The following LAPTM4A variants were observed in gnomAD, a reference collection of about 807,000 sequenced individuals.
LAPTM4A encodes lysosomal-associated transmembrane protein 4A.
LAPTM4A carries 19 observed loss-of-function variants against 29.9 expected under a neutral mutation model. The observed-to-expected ratio is 0.64, with a 90% CI of 0.44 to 0.93. The LOEUF is 0.93. Ranked by LOEUF, LAPTM4A falls within the 40% of genes least tolerant of loss-of-function variation. The probability of loss-of-function intolerance (pLI) is 0.00; values close to 1 mark genes in which losing one functional copy is unlikely to be tolerated. For synonymous variants in LAPTM4A, 105 were observed against 102.1 expected (o/e 1.03, Z -0.17); for missense variants, 293 against 288.5 (o/e 1.02, Z -0.11).
chr2:20,035,223 C>T (rs138813836), intron 4 of LAPTM4A, 161 bp from the exon 5 acceptor site: 75 of 611,478 alleles, frequency 1.2e-4, no homozygotes, highest in Non-Finnish European at 2.2e-4. Context: ...AAATTTTAAG[C>T]CTTATCACCA....
intron 1 of LAPTM4A, among the ~76,000 whole-genome samples, chr2:20,046,979 G>C (rs1430609642): frequency 6.6e-6 from 1 of 151,196 alleles, no homozygotes; most frequent in Non-Finnish European, 1.5e-5. Context: ...AGAAAAATAA[G>C]AGAAAAGGAC....
At position 20,032,653 on chromosome 2, in the gene LAPTM4A, G is replaced by A. The variant is rs1673587018; in HGVS notation, c.*552C>T. On this transcript the variant is annotated 3_prime_UTR_variant, in exon 7 of 7. Transcript: ENST00000175091. The stretch of plus-strand genomic sequence containing the variant: ...GGATTAAAAACAATGACAACCCTAA[G>A]TATTTAAAGAGATTTATTAAATCAT... 6.6e-6 allele frequency: 1 copy of A among 152,516 alleles called. No homozygotes were observed. The highest frequency in any genetic ancestry group is 6.5e-5 in the Admixed American group (1 of 15,348). The allele number at this position is 152,516 out of a possible 1,614,324, so 9.4% of individuals were successfully genotyped here. A position where few individuals can be genotyped will look rare whatever the true frequency, so the allele number is the denominator to read the frequency against.
chr2:20,033,258 T>C lies in LAPTM4A; in HGVS notation c.649A>G (p.Met217Val), dbSNP rs1346989108. Residue 217 changes from methionine to valine, a missense_variant, in exon 7 of 7, where the codon ATG (methionine) becomes GTG (valine). Coordinates refer to ENST00000175091, the MANE Select transcript of LAPTM4A (RefSeq NM_014713.5). ...TCTTTTTCAGGCATTTTCACGGCCA[T>C]TTCATAGGTTGGCAAAACGTACTAA... ...PPQYVLPTYE[M>V]AVKMPEKEPP... 6.2e-7 allele frequency: 1 copy of C among 1,614,034 alleles called. No individual in the cohort carries two copies. Among genetic ancestry groups the C allele is most frequent in the East Asian group, 2.2e-5 (1 of 44,868 alleles).
chr2:20,036,911 C>T (rs1281076662), intron 4 of LAPTM4A, among the ~76,000 whole-genome samples: 1 of 152,212 alleles, frequency 6.6e-6, no homozygotes, highest in Admixed American at 6.5e-5. Context: ...TATATCCACA[C>T]CATTCACCAA....
intron 4 of LAPTM4A, among the ~76,000 whole-genome samples, chr2:20,036,719 C>T (rs574553177): frequency 4.6e-5 from 7 of 152,252 alleles, no homozygotes; most frequent in South Asian, 2.1e-4. Flanking sequence ...ACCTCCACGA[C>T]GCCCTCCTTG....
Position 20,033,043 on chromosome 2 carries a change from T to C in LAPTM4A, c.*162A>G, listed in dbSNP as rs1477882576. 1.6e-6 allele frequency: 1 copy of C among 627,652 alleles called. No homozygotes were observed. Among genetic ancestry groups the C allele is most frequent in the East Asian group, 2.7e-5 (1 of 36,616 alleles). The allele number at this position is 627,652 out of a possible 1,614,324, so 38.9% of individuals were successfully genotyped here. On this transcript the variant is annotated 3_prime_UTR_variant, in exon 7 of 7. Coordinates refer to ENST00000175091, the MANE Select transcript of LAPTM4A (RefSeq NM_014713.5). ...ACTTAACAAAAAAACAAAAAGACGT[T>C]TAACAGATGTCAAAAAGCTCCTTAG...
At chr2:20,035,114 G>C (rs1264232241) in intron 4 of LAPTM4A, 52 bp from the exon 5 acceptor site, 17 of 1,209,392 alleles carry the variant, frequency 1.4e-5, no homozygotes, top group Non-Finnish European at 2.1e-5. Context: ...ACTAGCACTT[G>C]CTGATAACCT....
Position 20,033,233 on chromosome 2 carries a change from T to A in LAPTM4A, c.674A>T (p.Glu225Val). Reference sequence around the variant, plus strand: ...GGCAGGTAAGTAAGGAGGTGGTGGTTCTTTTTCAGGCATTTTCACGGCCAT... The same window carrying A: ...GGCAGGTAAGTAAGGAGGTGGTGGTACTTTTTCAGGCATTTTCACGGCCAT... ...YEMAVKMPEK[E>V]PPPPYLPA Residue 225 changes from glutamate (E) to valine (V), a missense_variant, in exon 7 of 7, where the codon GAA becomes GTA. Transcript: ENST00000175091. 1 of 1,614,150 alleles carries A rather than the reference T, an allele frequency of 6.2e-7. No individual in the cohort carries two copies. Among genetic ancestry groups the A allele is most frequent in the Non-Finnish European group, 8.5e-7 (1 of 1,180,016 alleles).
At position 20,040,913 on chromosome 2, in the gene LAPTM4A, G is replaced by C; in HGVS notation, c.210C>G (p.Tyr70Ter). The C allele has an allele frequency of 1.9e-6, 3 of 1,613,802 alleles. No individual in the cohort carries two copies. Among genetic ancestry groups the C allele is most frequent in the Non-Finnish European group, 2.5e-6 (3 of 1,179,726 alleles). ...TACCAGCCATTCTCTCAGACGAATA[G>C]TAATTACCGATGACTTCATACTGAA... ...VNIQYEVIGNYYSSERMADNA... is the reference protein window; with the variant it reads ...VNIQYEVIGN The change falls in exon 2 of 7, where the codon TAC becomes TAG. Residue 70 changes from tyrosine (Y) to a stop codon, truncating the protein, a stop_gained. Transcript: ENST00000175091. LOFTEE classifies it high-confidence loss of function.
intron 2 of LAPTM4A, among the ~76,000 whole-genome samples, chr2:20,039,705 C>T (rs1673752337): frequency 1.3e-5 from 2 of 151,702 alleles, no homozygotes; most frequent in South Asian, 4.2e-4. Context: ...CAAAGTAAGA[C>T]CTTTTCTCTA....
At chr2:20,038,689 C>CT (rs1361829212) in intron 2 of LAPTM4A, among the ~76,000 whole-genome samples, 3 of 152,112 alleles carry the variant, frequency 2.0e-5, no homozygotes, top group Admixed American at 2.0e-4. Context: ...GATTAAGAAA[C>CT]TGGGGGGGAT....
At chr2:20,045,584 T>TTACAGTTAACAGTTA (rs1673900629) in intron 1 of LAPTM4A, among the ~76,000 whole-genome samples, 1 of 152,362 alleles carries the variant, frequency 6.6e-6, no homozygotes, top group East Asian at 1.9e-4. Flanking sequence ...GTGTTAACAG[T>TTACAGTTAACAGTTA]ACTGTAAATT....
chr2:20,050,460 C>G (rs1674028946), intron 1 of LAPTM4A, among the ~76,000 whole-genome samples: 1 of 152,174 alleles, frequency 6.6e-6, no homozygotes, highest in Non-Finnish European at 1.5e-5. Flanking sequence ...ATTAAAGTGG[C>G]CAAGTCGACC....
chr2:20,051,477 T>G lies in LAPTM4A; in HGVS notation c.44A>C (p.Tyr15Ser). 1 of 1,613,210 alleles carries G rather than the reference T, an allele frequency of 6.2e-7. No individual in the cohort carries two copies. The highest frequency in any genetic ancestry group is 1.1e-5 in the South Asian group (1 of 90,846). ...GCAACAGCCGCAGCACCGGGTGCTG[T>G]AGAACCGGTCACTGCGGTTCCGCTT... is the stretch of plus-strand genomic sequence containing the variant. ...SFKRNRSDRF[Y>S]STRCCGCCHV... is the part of the protein sequence containing the mutation. Residue 15 changes from tyrosine to serine, a missense_variant, in exon 1 of 7, where the codon TAC (tyrosine) becomes TCC (serine). By Grantham distance (144) the Tyr-to-Ser change is moderately radical. Coordinates refer to ENST00000175091, the MANE Select transcript of LAPTM4A (RefSeq NM_014713.5).
chr2:20,038,522 TTCATGTGATTC>T (rs1457523715), intron 2 of LAPTM4A, among the ~76,000 whole-genome samples: 1 of 152,040 alleles, frequency 6.6e-6, no homozygotes, highest in Non-Finnish European at 1.5e-5. Flanking sequence ...ACCTCCCAGG[TTCATGTGATTC>T]TCTTGCCTCA....
chr2:20,032,925 T>A lies in LAPTM4A; in HGVS notation c.*280A>T. 1 of 423,682 alleles carries A rather than the reference T, an allele frequency of 2.4e-6. No individual in the cohort carries two copies. The highest frequency in any genetic ancestry group is 2.0e-5 in the African/African-American group (1 of 50,724). The allele number at this position is 423,682 out of a possible 1,614,324, so 26.2% of individuals were successfully genotyped here. A position where few individuals can be genotyped will look rare whatever the true frequency, so the allele number is the denominator to read the frequency against. Reference sequence around the variant, plus strand: ...AAAGGAAACTATGTGGCAAGTACCCTCTTTCCCTTCCCACCCCCCAATTAA... The same window carrying A: ...AAAGGAAACTATGTGGCAAGTACCCACTTTCCCTTCCCACCCCCCAATTAA... On this transcript the variant is annotated 3_prime_UTR_variant, in exon 7 of 7. Coordinates refer to ENST00000175091, the MANE Select transcript of LAPTM4A (RefSeq NM_014713.5).
At chr2:20,033,478 G>A (rs1673617272) in intron 6 of LAPTM4A, among the ~76,000 whole-genome samples, 199 bp from the exon 7 acceptor site, 1 of 152,008 alleles carries the variant, frequency 6.6e-6, no homozygotes, top group South Asian at 2.1e-4. Context: ...CGAAGGGGAG[G>A]GTGGAGAGAG....
chr2:20,047,113 G>A (rs1352775870), intron 1 of LAPTM4A, among the ~76,000 whole-genome samples: 1 of 151,994 alleles, frequency 6.6e-6, no homozygotes, highest in Non-Finnish European at 1.5e-5. Context: ...AGCTTGGCTG[G>A]GCATGGTAGC....
intron 1 of LAPTM4A, among the ~76,000 whole-genome samples, chr2:20,043,592 G>A (rs1049745655): frequency 6.6e-6 from 1 of 152,180 alleles, no homozygotes; most frequent in Non-Finnish European, 1.5e-5. Context: ...CACAGGAAAT[G>A]CATTTTCCTT....
Sources: allele counts gnomAD v4.1 joint callset (sites outside exome capture counted in the v4.1 genomes callset), GRCh38; gene constraint gnomAD v4.1.1; transcripts MANE v1.5; gene names NCBI Gene and HGNC (gene_info 2026-07-23, HGNC 2026-07-21).